EPHA6: variants seen among roughly 807,000 people sequenced by gnomAD.
The protein encoded by EPHA6 is EPH receptor A6, also known as ephrin type-A receptor 6.
EPHA6 carries 50 observed loss-of-function variants against 112.0 expected under a neutral mutation model. The ratio of observed to expected loss-of-function variants is 0.45; its 90% confidence interval spans 0.36 to 0.56. The LOEUF (loss-of-function observed/expected upper bound fraction) is 0.56. Among genes scored for constraint, EPHA6 ranks in the 20% least tolerant of loss-of-function variants. The pLI is 0.00. For missense variants in EPHA6, 1,280 were observed against 1,417.4 expected (o/e 0.90, Z 1.56); for synonymous variants, 529 against 490.7 (o/e 1.08, Z -1.03).
At chr3:97,308,813 G>T (rs1042161892) in intron 5 of EPHA6, among the ~76,000 whole-genome samples, 1 of 151,640 alleles carries the variant, frequency 6.6e-6, no homozygotes, top group Non-Finnish European at 1.5e-5. Context: ...CCCGAGTATG[G>T]CACATCATGT....
chr3:96,843,496 G>A (rs2034876633), intron 1 of EPHA6, among the ~76,000 whole-genome samples: 2 of 151,106 alleles, frequency 1.3e-5, no homozygotes, highest in East Asian at 1.9e-4. Context: ...GCTTAGGTTA[G>A]TTAGGAAGAG....
intron 14 of EPHA6, among the ~76,000 whole-genome samples, chr3:97,679,931 C>T (rs1161335201): frequency 6.6e-6 from 1 of 152,172 alleles, no homozygotes; most frequent in Non-Finnish European, 1.5e-5. Flanking sequence ...GCTTGCCTTA[C>T]ATGGGCAATT....
rs189810685 is a variant in EPHA6, at chr3:97,141,474, C to G, written c.1115-84790C>G. On this transcript the variant is annotated intron_variant, in intron 3 of 17. Coordinates refer to ENST00000389672, the MANE Select transcript of EPHA6 (RefSeq NM_001080448.3). ...AAAATCAAAAAAATAAAAATAATAT[C>G]AAGTATCTTAAGATCTCAGACCATG... Among the ~76,000 whole-genome samples, 28 of 152,084 alleles carry G rather than the reference C, an allele frequency of 1.8e-4. 1 individual carries two copies. The East Asian group carries it at 5.2e-3, about 28-fold the overall frequency.
chr3:97,502,693 G>C (rs2092151640), intron 10 of EPHA6, among the ~76,000 whole-genome samples: 3 of 151,276 alleles, frequency 2.0e-5, no homozygotes, highest in Non-Finnish European at 2.9e-5. Flanking sequence ...AATTAGCTGG[G>C]CATGGTGGCA....
In EPHA6 at chr3:96,984,700, C is replaced by T. The variant is rs111550141; in HGVS notation, c.451-2630C>T. ...CCTCCTTGAGCTGGGGTGTGCTCTA[C>T]CCAGTTCCAGCTTCCCCACTGCTTT... On this transcript the variant is annotated intron_variant, in intron 2 of 17. Coordinates refer to ENST00000389672, the MANE Select transcript of EPHA6 (RefSeq NM_001080448.3). Among the ~76,000 whole-genome samples, 778 of 152,292 alleles carry T rather than the reference C, an allele frequency of 5.1e-3. 7 individuals are homozygous for T. Among genetic ancestry groups the T allele is most frequent in the African/African-American group, 0.017 (706 of 41,576 alleles).
intron 12 of EPHA6, among the ~76,000 whole-genome samples, chr3:97,593,440 T>C (rs1202502060): frequency 1.3e-5 from 2 of 152,194 alleles, no homozygotes; most frequent in African/African-American, 4.8e-5. Flanking sequence ...AAGGATGCAA[T>C]CTTACTTTAC....
intron 14 of EPHA6, among the ~76,000 whole-genome samples, chr3:97,679,174 CT>C (rs2031653442): frequency 6.6e-6 from 1 of 152,070 alleles, no homozygotes; most frequent in Admixed American, 6.6e-5. Flanking sequence ...AATTTTTGAT[CT>C]CTACCCACTC....
chr3:96,850,233 C>T (rs2035303438), intron 1 of EPHA6, among the ~76,000 whole-genome samples: 1 of 151,970 alleles, frequency 6.6e-6, no homozygotes, highest in African/African-American at 2.4e-5. Flanking sequence ...TTCATGTTTG[C>T]TGTAATTTGG....
chr3:97,339,805 A>G (rs1199897274), intron 5 of EPHA6, among the ~76,000 whole-genome samples: 1 of 152,302 alleles, frequency 6.6e-6, no homozygotes, highest in South Asian at 2.1e-4. Flanking sequence ...ATAACCCTAC[A>G]CTGAAAGAAG....
intron 14 of EPHA6, among the ~76,000 whole-genome samples, chr3:97,711,869 T>A (rs975283429): frequency 1.3e-5 from 2 of 152,190 alleles, no homozygotes; most frequent in Admixed American, 6.6e-5. Flanking sequence ...ATAAAATTAA[T>A]CATCACAGAT....
intron 6 of EPHA6, chr3:97,447,664 C>A (rs984153488): frequency 1.9e-6 from 1 of 528,046 alleles, no homozygotes; most frequent in Non-Finnish European, 2.5e-6. Flanking sequence ...AATGAACTGT[C>A]CTGTTCTGAG....
chr3:97,725,976 G>A (rs2034751564), intron 15 of EPHA6, among the ~76,000 whole-genome samples: 1 of 152,018 alleles, frequency 6.6e-6, no homozygotes, highest in African/African-American at 2.4e-5. Flanking sequence ...CCCAGCTCTG[G>A]AATTTGAAAG....
intron 5 of EPHA6, among the ~76,000 whole-genome samples, chr3:97,329,183 A>G (rs1421772907): frequency 2.0e-5 from 3 of 152,018 alleles, no homozygotes; most frequent in Admixed American, 2.0e-4. Flanking sequence ...TCCATGGTAT[A>G]TATGTGCCAC....
At chr3:97,631,141 G>C (rs1252382659) in intron 13 of EPHA6, among the ~76,000 whole-genome samples, 1 of 152,000 alleles carries the variant, frequency 6.6e-6, no homozygotes, top group African/African-American at 2.4e-5. Flanking sequence ...ATTTCAGAGA[G>C]CAAAACAAAA....
At chr3:97,056,070 T>G (rs993205189) in intron 3 of EPHA6, among the ~76,000 whole-genome samples, 1 of 152,132 alleles carries the variant, frequency 6.6e-6, no homozygotes, top group African/African-American at 2.4e-5. Flanking sequence ...GTAACCAGAA[T>G]ACCATCATTC....
chr3:97,092,630 T>TA lies in EPHA6; in HGVS notation c.1114+104644dup, dbSNP rs1341242366. On this transcript the variant is annotated intron_variant, in intron 3 of 17. Coordinates refer to ENST00000389672, the MANE Select transcript of EPHA6 (RefSeq NM_001080448.3). ...TTACTAGCATTCTTTTCTTAGGGTA[T>TA]AAAAAAACTGGCTACCAAGGTTATT... is the stretch of plus-strand genomic sequence containing the variant. Among the ~76,000 whole-genome samples the TA allele has an allele frequency of 2.6e-5, 4 of 152,004 alleles. 1 individual carries two copies. Among genetic ancestry groups the TA allele is most frequent in the Non-Finnish European group, 5.9e-5 (4 of 67,990 alleles).
intron 2 of EPHA6, among the ~76,000 whole-genome samples, chr3:96,944,668 A>G (rs575102665): frequency 2.0e-5 from 3 of 152,352 alleles, no homozygotes; most frequent in African/African-American, 7.2e-5. Context: ...CATCTGTAAA[A>G]TAACTCGATA....
At position 97,483,973 on chromosome 3, in the gene EPHA6, C is replaced by T. The variant is rs747060614; in HGVS notation, c.2114C>T (p.Thr705Ile). The stretch of plus-strand genomic sequence containing the variant: ...ATTAAAACTTACATTGATCCAGATA[C>T]ATATGAAGACCCATCCCTAGCAGTC... ...PGIKTYIDPD[T>I]YEDPSLAVHE... The change falls in exon 10 of 18, where the codon ACA becomes ATA. Residue 705 changes from threonine (T) to isoleucine (I), a missense_variant. Coordinates refer to ENST00000389672, the MANE Select transcript of EPHA6 (RefSeq NM_001080448.3). 1.2e-6 allele frequency: 2 copies of T among 1,607,322 alleles called. No homozygotes were observed. Among genetic ancestry groups the T allele is most frequent in the Non-Finnish European group, 8.5e-7 (1 of 1,176,932 alleles).
At position 97,511,039 on chromosome 3, in the gene EPHA6, C is replaced by T. The variant is rs183857387; in HGVS notation, c.2201-21319C>T. On this transcript the variant is annotated intron_variant, in intron 10 of 17. Coordinates refer to ENST00000389672, the MANE Select transcript of EPHA6 (RefSeq NM_001080448.3). ...TTAGTAATGGTGGAAGCCCCTCCCC[C>T]CCACCAAGCTGGAGCATCAGACTGC... is the stretch of plus-strand genomic sequence containing the variant. Among the ~76,000 whole-genome samples the T allele has an allele frequency of 8.5e-5, 13 of 152,252 alleles. 1 individual carries two copies. The highest frequency in any genetic ancestry group is 5.8e-4 in the East Asian group (3 of 5,166).
Sources: allele counts gnomAD v4.1 joint callset (sites outside exome capture counted in the v4.1 genomes callset), GRCh38; gene constraint gnomAD v4.1.1; transcripts MANE v1.5; gene names NCBI Gene and HGNC (gene_info 2026-07-23, HGNC 2026-07-21).